The following CDH11 variants were observed in gnomAD, a reference collection of about 807,000 sequenced individuals.
CDH11 encodes the protein cadherin-11.
In CDH11, 11 loss-of-function variants were observed where a neutral mutation model predicts 67.8. That is an observed-to-expected ratio of 0.16 (90% CI 0.10 to 0.27). The LOEUF (loss-of-function observed/expected upper bound fraction) is 0.27, where lower values mean the gene tolerates loss of function less well. CDH11 is among the 10% of genes least tolerant of loss of function. The pLI is 1.00. For synonymous variants in CDH11, 419 were observed against 400.0 expected (o/e 1.05, Z -0.57); for missense variants, 847 against 1,031.2 (o/e 0.82, Z 2.45).
chr16:64,974,853 A>G (rs2072119192), intron 8 of CDH11, among the ~76,000 whole-genome samples: 1 of 152,226 alleles, frequency 6.6e-6, no homozygotes, highest in African/African-American at 2.4e-5. Flanking sequence ...TTCCACAGAA[A>G]TGAAGGGCAT....
intron 11 of CDH11, among the ~76,000 whole-genome samples, chr16:64,955,187 A>G (rs1216811403): frequency 6.6e-6 from 1 of 152,038 alleles, no homozygotes; most frequent in Non-Finnish European, 1.5e-5. Context: ...CAGAGCTTGC[A>G]GTGAGCCGAG....
chr16:65,019,035 G>A (rs1337657346), intron 2 of CDH11, among the ~76,000 whole-genome samples: 2 of 152,038 alleles, frequency 1.3e-5, no homozygotes, highest in African/African-American at 4.8e-5. Flanking sequence ...CAAAATTATA[G>A]GAGTTTCACA....
At chr16:65,090,222 T>C (rs1404849741) in intron 1 of CDH11, among the ~76,000 whole-genome samples, 1 of 152,176 alleles carries the variant, frequency 6.6e-6, no homozygotes, top group African/African-American at 2.4e-5. Context: ...AATCTAGACC[T>C]TAAGTGTCAC....
At chr16:65,019,316 A>G (rs1597099301) in intron 2 of CDH11, among the ~76,000 whole-genome samples, 3 of 152,188 alleles carry the variant, frequency 2.0e-5, no homozygotes, top group Admixed American at 6.5e-5. Flanking sequence ...TAAATCATTT[A>G]TTTATCTAAA....
intron 11 of CDH11, chr16:64,968,247 A>G (rs2142416452): frequency 5.5e-6 from 1 of 181,638 alleles, no homozygotes; most frequent in South Asian, 1.9e-4. Flanking sequence ...TGCCTGCCCT[A>G]TGCGACTGTT....
intron 1 of CDH11, among the ~76,000 whole-genome samples, chr16:65,116,889 C>T (rs1207640404): frequency 1.3e-5 from 2 of 152,066 alleles, no homozygotes; most frequent in South Asian, 2.1e-4. Context: ...ACTTAATATC[C>T]CGATGTACCA....
At chr16:65,017,321 C>T (rs1017515574) in intron 2 of CDH11, among the ~76,000 whole-genome samples, 3 of 152,092 alleles carry the variant, frequency 2.0e-5, no homozygotes, top group Non-Finnish European at 2.9e-5. Context: ...CAAGGGAACG[C>T]TTGCAACCTA....
At chr16:65,120,459 G>T (rs2075306274) in intron 1 of CDH11, among the ~76,000 whole-genome samples, 1 of 152,098 alleles carries the variant, frequency 6.6e-6, no homozygotes, top group Non-Finnish European at 1.5e-5. Context: ...ATATTAAACC[G>T]ATAGCCATGA....
intron 1 of CDH11, among the ~76,000 whole-genome samples, chr16:65,088,978 G>A (rs955869219): frequency 6.6e-6 from 1 of 152,134 alleles, no homozygotes; most frequent in Non-Finnish European, 1.5e-5. Flanking sequence ...CAACATATGT[G>A]TTCAAAGAAA....
At chr16:65,084,668 T>C (rs1229378605) in intron 1 of CDH11, among the ~76,000 whole-genome samples, 6 of 152,156 alleles carry the variant, frequency 3.9e-5, no homozygotes, top group Non-Finnish European at 5.9e-5. Context: ...CTCACAGAGG[T>C]GGTTTAAAAG....
At chr16:64,951,973 A>T (rs554691431) in intron 11 of CDH11, among the ~76,000 whole-genome samples, 2 of 152,208 alleles carry the variant, frequency 1.3e-5, no homozygotes, top group South Asian at 4.2e-4. Flanking sequence ...GGAGGATCAG[A>T]TATTATTTCC....
chr16:65,029,747 C>T (rs915756791), intron 2 of CDH11, among the ~76,000 whole-genome samples: 3 of 152,110 alleles, frequency 2.0e-5, no homozygotes, highest in East Asian at 1.9e-4. Context: ...TTCTATTGGG[C>T]GGCTTTGGTT....
intron 1 of CDH11, among the ~76,000 whole-genome samples, chr16:65,097,644 T>C (rs888508163): frequency 7.9e-5 from 12 of 152,208 alleles, no homozygotes; most frequent in African/African-American, 2.9e-4. Context: ...TAGTCACTTT[T>C]TATTTTTCTA....
At chr16:65,015,600 T>C (rs1454237748) in intron 2 of CDH11, among the ~76,000 whole-genome samples, 1 of 152,148 alleles carries the variant, frequency 6.6e-6, no homozygotes, top group Non-Finnish European at 1.5e-5. Flanking sequence ...AAACTATTTC[T>C]ATGGAAACAA....
Position 65,076,597 on chromosome 16 carries a change from T to A in CDH11, c.-297-22669A>T, listed in dbSNP as rs187170690. 5.9e-5 allele frequency among the ~76,000 whole-genome samples: 9 copies of A among 152,192 alleles called. No individual in the cohort carries two copies. In the East Asian group the frequency reaches 1.7e-3, roughly 30 times the overall value. On this transcript the variant is annotated intron_variant, in intron 1 of 12. Coordinates refer to ENST00000268603, the MANE Select transcript of CDH11 (RefSeq NM_001797.4). ...AGAACATGCAGGTTTCTTACATAGG[T>A]ATACACGTGCCATGGTGGTTTGCTG...
rs750853935 is a variant in CDH11 at position 64,971,981 on chromosome 16, A to C, written c.1474T>G (p.Tyr492Asp). ...NDNAPKFAAP[Y>D]EGFICESDQT... ...TCACTCTCACAGATGAAACCTTCAT[A>C]AGGGGCAGCAAACTTGGGAGCATTA... The change falls in exon 10 of 13, where the codon TAT becomes GAT. Residue 492 changes from tyrosine (Y) to aspartate (D), a missense_variant. This residue lies in a region of CDH11 where 612 missense variants were observed against 678.7 expected (regional missense o/e 0.90). Coordinates refer to ENST00000268603, the MANE Select transcript of CDH11 (RefSeq NM_001797.4). The C allele has an allele frequency of 6.2e-7, 1 of 1,613,978 alleles. No homozygotes were observed. Among genetic ancestry groups the C allele is most frequent in the Non-Finnish European group, 8.5e-7 (1 of 1,179,876 alleles).
At chr16:65,000,710 G>A (rs151248682) in intron 3 of CDH11, among the ~76,000 whole-genome samples, 23,700 of 152,062 alleles carry the variant, frequency 0.16, 2,399 homozygotes, top group East Asian at 0.42. Flanking sequence ...TTGGGAGGCC[G>A]AGGCAGGAGA....
chr16:65,011,761 G>A (rs2073189519), intron 2 of CDH11, among the ~76,000 whole-genome samples: 1 of 152,148 alleles, frequency 6.6e-6, no homozygotes, highest in Admixed American at 6.5e-5. Context: ...TACTCTATAT[G>A]AATGTGTGGA....
intron 2 of CDH11, among the ~76,000 whole-genome samples, chr16:65,015,868 G>T (rs574466170): frequency 3.9e-5 from 6 of 152,292 alleles, no homozygotes; most frequent in African/African-American, 1.4e-4. Context: ...GCTAAAGCCA[G>T]GGAAGAGTGC....
Sources: allele counts gnomAD v4.1 joint callset (sites outside exome capture counted in the v4.1 genomes callset), GRCh38; gene constraint gnomAD v4.1.1; regional missense constraint gnomAD v4.1.1; transcripts MANE v1.5; gene names NCBI Gene and HGNC (gene_info 2026-07-23, HGNC 2026-07-21).